The following TMTC1 variants were observed in gnomAD, a reference collection of about 807,000 sequenced individuals.
TMTC1 encodes the protein protein O-mannosyl-transferase TMTC1.
In TMTC1, 73 loss-of-function variants were observed where a neutral mutation model predicts 104.8. That is an observed-to-expected ratio of 0.70 (90% CI 0.58 to 0.85). The LOEUF is 0.85. Ranked by LOEUF, TMTC1 falls within the 40% of genes least tolerant of loss-of-function variation. The probability of loss-of-function intolerance (pLI) is 0.00; values close to 1 mark genes in which losing one functional copy is unlikely to be tolerated. For missense variants in TMTC1, 1,035 were observed against 1,096.1 expected (o/e 0.94, Z 0.79); for synonymous variants, 434 against 428.7 (o/e 1.01, Z -0.15).
Position 29,758,395 on chromosome 12 carries a change from G to A in TMTC1, c.554+309C>T, listed in dbSNP as rs75182695. On this transcript the variant is annotated intron_variant, in intron 3 of 17. Transcript: ENST00000539277. ...GAGAACATTGCATCAAATACATTTTGGCTTAGAGCGAAGATTCCAAATTCA... is the reference window on the plus strand; with the variant it reads ...GAGAACATTGCATCAAATACATTTTAGCTTAGAGCGAAGATTCCAAATTCA... Among the ~76,000 whole-genome samples the A allele has an allele frequency of 2.5e-3, 376 of 152,238 alleles. 15 individuals are homozygous for A. In the East Asian group the frequency reaches 0.067, roughly 27 times the overall value.
chr12:29,767,422 A>G (rs1324421084), intron 2 of TMTC1, among the ~76,000 whole-genome samples: 1 of 152,236 alleles, frequency 6.6e-6, no homozygotes, highest in Non-Finnish European at 1.5e-5. Context: ...AATAAACATT[A>G]TAAAATATAG....
chr12:29,549,764 G>C (rs1393094581), intron 10 of TMTC1, among the ~76,000 whole-genome samples: 1 of 152,130 alleles, frequency 6.6e-6, no homozygotes, highest in Non-Finnish European at 1.5e-5. Context: ...TGTGTGTACA[G>C]GGCACTGAGG....
At position 29,517,499 on chromosome 12, in the gene TMTC1, G is replaced by A. The variant is rs1014339519; in HGVS notation, c.2097C>T (p.Tyr699=). 7 of 1,614,084 alleles carry A rather than the reference G, an allele frequency of 4.3e-6. No individual in the cohort carries two copies. Among genetic ancestry groups the A allele is most frequent in the Middle Eastern group, 1.6e-4 (1 of 6,062 alleles). The change falls in exon 14 of 18, where the codon TAC becomes TAT. Residue 699 remains tyrosine, a synonymous_variant. Coordinates refer to ENST00000539277, the MANE Select transcript of TMTC1 (RefSeq NM_001193451.2). ...LGALYYNTGR[Y]EEALQIYQEA... is the part of the protein sequence containing the mutation. ...CCTGGTAAATCTGCAAAGCCTCTTC[G>A]TATCGGCCAGTGTTGTAATACAGTG...
chr12:29,685,762 C>A (rs193004632), intron 5 of TMTC1, among the ~76,000 whole-genome samples: 1 of 151,842 alleles, frequency 6.6e-6, no homozygotes, highest in Non-Finnish European at 1.5e-5. Flanking sequence ...CAAAACTGAC[C>A]AAGAGCCTCA....
chr12:29,593,628 C>G (rs989691502), intron 7 of TMTC1, among the ~76,000 whole-genome samples: 1 of 152,150 alleles, frequency 6.6e-6, no homozygotes, highest in African/African-American at 2.4e-5. Context: ...ATTCACACAC[C>G]AGGGACACAA....
chr12:29,653,399 G>C (rs1055818058), intron 5 of TMTC1, among the ~76,000 whole-genome samples: 1 of 152,122 alleles, frequency 6.6e-6, no homozygotes, highest in Non-Finnish European at 1.5e-5. Flanking sequence ...ACTTGGATGA[G>C]AGGAATGAAA....
chr12:29,681,099 CAAAA>C (rs71045827), intron 5 of TMTC1, among the ~76,000 whole-genome samples: 17,594 of 107,082 alleles, frequency 0.16, 1,237 homozygotes, highest in East Asian at 0.36. Flanking sequence ...ACCCTGTCTC[CAAAA>C]AAAAAAAAAA....
At chr12:29,559,706 G>C (rs1050201633) in intron 9 of TMTC1, among the ~76,000 whole-genome samples, 6 of 152,102 alleles carry the variant, frequency 3.9e-5, no homozygotes, top group African/African-American at 1.4e-4. Flanking sequence ...TATTTACAGG[G>C]ACTCGCTGAT....
At chr12:29,688,173 A>G (rs1941154828) in intron 5 of TMTC1, among the ~76,000 whole-genome samples, 1 of 152,202 alleles carries the variant, frequency 6.6e-6, no homozygotes, top group African/African-American at 2.4e-5. Flanking sequence ...TGATGTGCTC[A>G]AGTAGCAGCA....
Position 29,564,167 on chromosome 12 carries a change from C to T in TMTC1, c.1533-7167G>A, listed in dbSNP as rs539013269. 9.2e-5 allele frequency among the ~76,000 whole-genome samples: 14 copies of T among 152,114 alleles called. 1 individual carries two copies. The highest frequency in any genetic ancestry group is 1.9e-4 in the Non-Finnish European group (13 of 68,026). On this transcript the variant is annotated intron_variant, in intron 9 of 17. Coordinates refer to ENST00000539277, the MANE Select transcript of TMTC1 (RefSeq NM_001193451.2). ...AAGGAGGAAAATAAAGGACAAGGAG[C>T]AAGTTTTGGGGAGAAGATGACCAGT...
rs10492311 is a variant in TMTC1, at chr12:29,555,997, G to A, written c.1676+860C>T. Among the ~76,000 whole-genome samples, 409 of 151,914 alleles carry A rather than the reference G, an allele frequency of 2.7e-3. 13 individuals carry two copies. In the East Asian group the frequency reaches 0.068, roughly 25 times the overall value. On this transcript the variant is annotated intron_variant, in intron 10 of 17. Transcript: ENST00000539277. ...CAAGCACAGATAAACATATTATTAC[G>A]CTCCAATTCTGGTCATTTTTACCTT...
At chr12:29,519,225 TG>T (rs879390776) in intron 12 of TMTC1, 2 of 149,130 alleles carry the variant, frequency 1.3e-5, no homozygotes, top group Non-Finnish European at 2.9e-5. Flanking sequence ...TACATTTGTA[TG>T]GTTTTTGCAG....
At chr12:29,737,575 G>T (rs1942714481) in intron 5 of TMTC1, among the ~76,000 whole-genome samples, 1 of 152,150 alleles carries the variant, frequency 6.6e-6, no homozygotes, top group Non-Finnish European at 1.5e-5. Flanking sequence ...TCAGGGAAAA[G>T]GGGAAACAGA....
At chr12:29,685,400 A>G (rs1941060395) in intron 5 of TMTC1, among the ~76,000 whole-genome samples, 1 of 152,074 alleles carries the variant, frequency 6.6e-6, no homozygotes, top group Admixed American at 6.5e-5. Flanking sequence ...AAAGCAGAGA[A>G]TAGCCAACAA....
intron 5 of TMTC1, among the ~76,000 whole-genome samples, chr12:29,731,487 TAG>T (rs1565800374): frequency 1.3e-5 from 2 of 152,318 alleles, no homozygotes; most frequent in African/African-American, 4.8e-5. Flanking sequence ...AGCAAAGCAG[TAG>T]AGAGTAAACT....
chr12:29,527,291 C>G (rs1944374958), intron 11 of TMTC1, among the ~76,000 whole-genome samples: 1 of 152,160 alleles, frequency 6.6e-6, no homozygotes, highest in East Asian at 1.9e-4. Context: ...GAAGCTGTGT[C>G]AAGTTAAACT....
At chr12:29,648,093 G>A (rs1250467236) in intron 5 of TMTC1, among the ~76,000 whole-genome samples, 1 of 152,166 alleles carries the variant, frequency 6.6e-6, no homozygotes. Flanking sequence ...GATACTTACA[G>A]AAACAGAAGA....
At chr12:29,640,339 G>A (rs891265897) in intron 5 of TMTC1, among the ~76,000 whole-genome samples, 1 of 103,558 alleles carries the variant, frequency 9.7e-6, no homozygotes, top group African/African-American at 6.7e-5. Context: ...AGAGCAGCGA[G>A]GGGGGGCTCA....
At chr12:29,781,074 G>A (rs554997160) in intron 1 of TMTC1, among the ~76,000 whole-genome samples, 2 of 152,036 alleles carry the variant, frequency 1.3e-5, no homozygotes, top group African/African-American at 4.8e-5. Context: ...GTACCATCCT[G>A]TAGAGTTGTA....
Sources: allele counts gnomAD v4.1 joint callset (sites outside exome capture counted in the v4.1 genomes callset), GRCh38; gene constraint gnomAD v4.1.1; transcripts MANE v1.5; gene names NCBI Gene and HGNC (gene_info 2026-07-23, HGNC 2026-07-21).